The following BTRC variants were observed in gnomAD, a reference collection of about 807,000 sequenced individuals.
BTRC encodes beta-transducin repeat containing E3 ubiquitin protein ligase, also known as F-box/WD repeat-containing protein 1A.
In BTRC, 42 loss-of-function variants were observed where a neutral mutation model predicts 85.5. That is an observed-to-expected ratio of 0.49 (90% CI 0.38 to 0.64). BTRC has a LOEUF of 0.64. BTRC is among the 30% of genes least tolerant of loss of function. The pLI is 0.00. For missense variants in BTRC, 594 were observed against 743.5 expected (o/e 0.80, Z 2.34); for synonymous variants, 255 against 263.3 (o/e 0.97, Z 0.30).
intron 1 of BTRC, among the ~76,000 whole-genome samples, chr10:101,397,723 A>G (rs958051624): frequency 9.9e-5 from 15 of 152,040 alleles, no homozygotes; most frequent in Non-Finnish European, 4.4e-5. Flanking sequence ...CATTTTTTTC[A>G]TACCCTGTTA....
intron 5 of BTRC, among the ~76,000 whole-genome samples, chr10:101,524,166 A>G (rs543084279): frequency 1.3e-5 from 2 of 152,330 alleles, no homozygotes; most frequent in African/African-American, 4.8e-5. Context: ...TTTATATCTT[A>G]GGAATAACCA....
At chr10:101,421,193 G>A (rs2134053719) in intron 1 of BTRC, among the ~76,000 whole-genome samples, 1 of 151,898 alleles carries the variant, frequency 6.6e-6, no homozygotes, top group Non-Finnish European at 1.5e-5. Context: ...TCCTTCTTTT[G>A]ATGTACGTTA....
intron 1 of BTRC, among the ~76,000 whole-genome samples, chr10:101,371,860 A>G (rs1248738795): frequency 1.3e-5 from 2 of 152,030 alleles, no homozygotes; most frequent in Admixed American, 1.3e-4. Flanking sequence ...CATGCCAGAC[A>G]GGTAATGTGC....
chr10:101,390,759 T>C (rs1432825381), intron 1 of BTRC, among the ~76,000 whole-genome samples: 1 of 145,702 alleles, frequency 6.9e-6, no homozygotes, highest in Non-Finnish European at 1.5e-5. Context: ...ATTTTGTTTG[T>C]CTTAAAAAAG....
chr10:101,424,411 T>C (rs117615009), intron 1 of BTRC, among the ~76,000 whole-genome samples: 2,894 of 152,292 alleles, frequency 0.019, 40 homozygotes, highest in Non-Finnish European at 0.029. Flanking sequence ...TACATGATTA[T>C]GGTATACTGC....
rs181788953 is a variant in BTRC, at chr10:101,495,850, G to A, written c.324+16393G>A. Among the ~76,000 whole-genome samples the A allele has an allele frequency of 1.3e-4, 20 of 152,076 alleles. 1 individual carries two copies. The East Asian group carries it at 3.9e-3, about 29-fold the overall frequency. On this transcript the variant is annotated intron_variant, in intron 4 of 14. Coordinates refer to ENST00000370187, the MANE Select transcript of BTRC (RefSeq NM_033637.4). ...TCCAGATTAAGTTCACATCCACCCA[G>A]ATTTTAATAGGAAAAGAGAAATGAA...
At chr10:101,522,390 A>AAAAAT (rs2062126977) in intron 5 of BTRC, among the ~76,000 whole-genome samples, 3 of 108,878 alleles carry the variant, frequency 2.8e-5, no homozygotes, top group Non-Finnish European at 5.6e-5. Context: ...AAAAAAAAAA[A>AAAAAT]CTCTAGAAAT....
At chr10:101,464,715 G>A (rs1027005472) in intron 3 of BTRC, among the ~76,000 whole-genome samples, 7 of 152,140 alleles carry the variant, frequency 4.6e-5, no homozygotes, top group African/African-American at 1.7e-4. Flanking sequence ...AAAGAGAAAT[G>A]GCCTTTAGAA....
At chr10:101,450,273 C>G (rs1200515973) in intron 2 of BTRC, among the ~76,000 whole-genome samples, 2 of 152,076 alleles carry the variant, frequency 1.3e-5, no homozygotes, top group African/African-American at 4.8e-5. Flanking sequence ...CTGTTTTAGC[C>G]CCCTCCCTTT....
At chr10:101,425,988 G>A (rs371337656) in intron 1 of BTRC, among the ~76,000 whole-genome samples, 2 of 152,212 alleles carry the variant, frequency 1.3e-5, no homozygotes, top group East Asian at 3.8e-4. Context: ...TTGAAGGACA[G>A]AAAACATCTT....
At chr10:101,388,644 C>A (rs1456562250) in intron 1 of BTRC, among the ~76,000 whole-genome samples, 3 of 151,714 alleles carry the variant, frequency 2.0e-5, no homozygotes, top group African/African-American at 7.3e-5. Flanking sequence ...TGCCCACCAC[C>A]ACGCTTGGCT....
chr10:101,530,136 A>G (rs1374765749), intron 6 of BTRC, among the ~76,000 whole-genome samples: 4 of 152,192 alleles, frequency 2.6e-5, no homozygotes, highest in African/African-American at 4.8e-5. Context: ...GGAAGGAGAT[A>G]CTAACAAATG....
intron 1 of BTRC, among the ~76,000 whole-genome samples, chr10:101,411,193 C>T: frequency 6.6e-6 from 1 of 151,914 alleles, no homozygotes; most frequent in East Asian, 1.9e-4. Flanking sequence ...GGGATTTCAC[C>T]ATGTTGGCCA....
At chr10:101,404,030 A>ATATATATATTT (rs1232082481) in intron 1 of BTRC, among the ~76,000 whole-genome samples, 3 of 25,424 alleles carry the variant, frequency 1.2e-4, no homozygotes, top group Admixed American at 1.9e-3. Flanking sequence ...ATATATATAT[A>ATATATATATTT]TTTTTTTTTT....
At chr10:101,546,373 A>G (rs35966519) in intron 13 of BTRC, among the ~76,000 whole-genome samples, 40,129 of 152,116 alleles carry the variant, frequency 0.26, 6,330 homozygotes, top group South Asian at 0.4. Context: ...CACGTAGGTC[A>G]AGAAGAAATT....
chr10:101,462,334 G>T (rs1204676366), intron 3 of BTRC, among the ~76,000 whole-genome samples: 1 of 152,124 alleles, frequency 6.6e-6, no homozygotes, highest in Non-Finnish European at 1.5e-5. Flanking sequence ...TTTAGTATGA[G>T]CAATATTTTG....
intron 3 of BTRC, among the ~76,000 whole-genome samples, chr10:101,470,481 C>T (rs1276025114): frequency 6.6e-6 from 1 of 151,940 alleles, no homozygotes; most frequent in Admixed American, 6.6e-5. Flanking sequence ...TACAGGCATG[C>T]GCCACCACAT....
intron 1 of BTRC, among the ~76,000 whole-genome samples, chr10:101,419,320 C>T (rs1379754467): frequency 6.6e-6 from 1 of 152,110 alleles, no homozygotes; most frequent in Non-Finnish European, 1.5e-5. Flanking sequence ...CAGTACCTCA[C>T]AGTTTCTTTC....
intron 1 of BTRC, among the ~76,000 whole-genome samples, chr10:101,367,467 TA>T (rs1942502008): frequency 6.6e-6 from 1 of 152,192 alleles, no homozygotes; most frequent in South Asian, 2.1e-4. Context: ...AATAGTTACA[TA>T]TTTTTAATAT....
Sources: allele counts gnomAD v4.1 joint callset (sites outside exome capture counted in the v4.1 genomes callset), GRCh38; gene constraint gnomAD v4.1.1; transcripts MANE v1.5; gene names NCBI Gene and HGNC (gene_info 2026-07-23, HGNC 2026-07-21).